The following PKHD1 variants were observed in gnomAD, a reference collection of about 807,000 sequenced individuals.
PKHD1 encodes fibrocystin.
Under a neutral mutation model 412.0 loss-of-function variants are expected in PKHD1, and 291 were observed. That is an observed-to-expected ratio of 0.71 (90% CI 0.64 to 0.78). The LOEUF (loss-of-function observed/expected upper bound fraction) is 0.78, where lower values mean the gene tolerates loss of function less well. Ranked by LOEUF, PKHD1 falls within the 30% of genes least tolerant of loss-of-function variation. The probability of loss-of-function intolerance (pLI) is 0.00; values close to 1 mark genes in which losing one functional copy is unlikely to be tolerated. For missense variants in PKHD1, 4,825 were observed against 4,950.7 expected, an observed-to-expected ratio of 0.97 and a Z score of 0.76; for synonymous variants, 1,777 against 1,821.5, an observed-to-expected ratio of 0.98 and a Z score of 0.62.
At chr6:51,804,431 C>T (rs909894816) in intron 52 of PKHD1, among the ~76,000 whole-genome samples, 94 of 143,666 alleles carry the variant, frequency 6.5e-4, no homozygotes, top group Non-Finnish European at 1.1e-3. Context: ...GTGGCTGGCA[C>T]ATAAAAGGCA....
intron 15 of PKHD1, 70 bp downstream of exon 15, chr6:52,059,858 T>G: frequency 1.2e-6 from 1 of 816,486 alleles, no homozygotes; most frequent in Non-Finnish European, 2.2e-6. Context: ...AGCCTTAACT[T>G]TGATTCTTTC....
At chr6:51,862,432 GATA>G (rs1291271431) in intron 48 of PKHD1, among the ~76,000 whole-genome samples, 2 of 152,206 alleles carry the variant, frequency 1.3e-5, no homozygotes, top group African/African-American at 4.8e-5. Context: ...GCCAAGAAAA[GATA>G]ATACATCTTT....
chr6:51,698,296 T>C (rs1019456679), intron 60 of PKHD1, among the ~76,000 whole-genome samples: 3 of 152,230 alleles, frequency 2.0e-5, no homozygotes, highest in African/African-American at 7.2e-5. Flanking sequence ...AGATGAAGTA[T>C]ATCATAGCAT....
chr6:51,940,403 A>T (rs564538904), intron 36 of PKHD1, among the ~76,000 whole-genome samples: 57 of 151,792 alleles, frequency 3.8e-4, no homozygotes, highest in African/African-American at 1.3e-3. Context: ...CAAATGCCTG[A>T]ACCGCAGCTG....
In PKHD1 at chr6:51,856,062, G is replaced by A. The variant is rs1447744840; in HGVS notation, c.7742C>T (p.Thr2581Ile). ...FHRMSIGLAN[T>I]PEVSYDLTMT... Reference sequence around the variant, plus strand: ...GGTTAAATCATAAGAAACTTCAGGAGTATTCGCTCTAAGGTGATTTTAAAA... The same window carrying A: ...GGTTAAATCATAAGAAACTTCAGGAATATTCGCTCTAAGGTGATTTTAAAA... The change falls in exon 49 of 67, where the codon ACT becomes ATT. Residue 2581 changes from threonine to isoleucine, a missense_variant. Transcript: ENST00000371117. 3 of 1,597,560 alleles carry A rather than the reference G, an allele frequency of 1.9e-6. No homozygotes were observed. The highest frequency in any genetic ancestry group is 1.7e-5 in the Admixed American group (1 of 59,964).
rs772688219 is a variant in PKHD1, at chr6:52,058,446, TG to T, written c.1388del (p.Pro463GlnfsTer5). The part of the protein sequence containing the change: ...YLEAEHHGIA[P>X]SRGMRIGVQI... ...GGACACCAATCCTCATCCCCCTGCT[TG>T]GGGCTATCCCATGATGCTCTGCTTC... On this transcript the variant is annotated frameshift_variant, in exon 16 of 67. Coordinates refer to ENST00000371117, the MANE Select transcript of PKHD1 (RefSeq NM_138694.4). LOFTEE classifies it high-confidence loss of function. The T allele has an allele frequency of 1.2e-6, 2 of 1,614,178 alleles. No homozygotes were observed. The highest frequency in any genetic ancestry group is 1.7e-6 in the Non-Finnish European group (2 of 1,180,004).
At chr6:51,978,746 C>A (rs906300103) in intron 35 of PKHD1, among the ~76,000 whole-genome samples, 1 of 152,142 alleles carries the variant, frequency 6.6e-6, no homozygotes, top group Non-Finnish European at 1.5e-5. Context: ...AGGCATACGT[C>A]CTCTTCTTCC....
chr6:51,631,276 A>G (rs987402104), intron 65 of PKHD1, among the ~76,000 whole-genome samples: 1 of 152,162 alleles, frequency 6.6e-6, no homozygotes, highest in African/African-American at 2.4e-5. Flanking sequence ...GGAAAAACAA[A>G]AAACTGCAAA....
chr6:51,800,914 G>A (rs1440381002), intron 52 of PKHD1, among the ~76,000 whole-genome samples: 3 of 152,138 alleles, frequency 2.0e-5, no homozygotes, highest in Non-Finnish European at 2.9e-5. Context: ...ACTATTTGTG[G>A]GCTTGTTATT....
At chr6:51,905,080 T>C (rs1423349285) in intron 41 of PKHD1, among the ~76,000 whole-genome samples, 1 of 152,224 alleles carries the variant, frequency 6.6e-6, no homozygotes, top group African/African-American at 2.4e-5. Context: ...TTATAGCTTT[T>C]ATCTCAACAG....
intron 36 of PKHD1, among the ~76,000 whole-genome samples, chr6:51,935,626 T>C (rs181333844): frequency 3.2e-4 from 49 of 152,284 alleles, no homozygotes; most frequent in African/African-American, 1.1e-3. Flanking sequence ...AGTCCTTACA[T>C]TGGGCTACAA....
At chr6:51,807,437 CAAAAAA>C (rs1174429085) in intron 52 of PKHD1, among the ~76,000 whole-genome samples, 1,027 of 38,632 alleles carry the variant, frequency 0.027, 15 homozygotes, top group Middle Eastern at 0.071. Flanking sequence ...GACTCTGTCT[CAAAAAA>C]AAAAAAAAAA....
At chr6:51,624,784 G>A (rs1424998963) in intron 66 of PKHD1, among the ~76,000 whole-genome samples, 1 of 152,148 alleles carries the variant, frequency 6.6e-6, no homozygotes, top group African/African-American at 2.4e-5. Flanking sequence ...TGTTACTGAT[G>A]AGGACACTGA....
chr6:51,941,782 T>C (rs1788620088), intron 36 of PKHD1, among the ~76,000 whole-genome samples: 1 of 151,564 alleles, frequency 6.6e-6, no homozygotes, highest in Non-Finnish European at 1.5e-5. Flanking sequence ...TTACTATTCC[T>C]TTGCACCCTT....
chr6:51,654,688 C>A (rs1771530868), intron 61 of PKHD1, among the ~76,000 whole-genome samples: 1 of 151,362 alleles, frequency 6.6e-6, no homozygotes, highest in Non-Finnish European at 1.5e-5. Context: ...CTTTTCACAG[C>A]AAAATAGCAG....
chr6:51,998,276 C>A (rs931949750), intron 35 of PKHD1, among the ~76,000 whole-genome samples: 6 of 151,790 alleles, frequency 4.0e-5, no homozygotes, highest in African/African-American at 1.5e-4. Flanking sequence ...GTGCTTCTAC[C>A]CACATTCTAT....
intron 43 of PKHD1, among the ~76,000 whole-genome samples, chr6:51,897,829 C>T (rs1220578969): frequency 6.8e-6 from 1 of 146,634 alleles, no homozygotes; most frequent in Non-Finnish European, 1.5e-5. Context: ...ATCTACCAAG[C>T]AAATGGAAAA....
chr6:52,052,457 T>C lies in PKHD1; in HGVS notation c.2140+619A>G, dbSNP rs563154812. Among the ~76,000 whole-genome samples, 43 of 151,808 alleles carry C rather than the reference T, an allele frequency of 2.8e-4. 1 individual carries two copies. The highest frequency in any genetic ancestry group is 1.0e-3 in the African/African-American group (42 of 41,378). On this transcript the variant is annotated intron_variant, in intron 21 of 66. Coordinates refer to ENST00000371117, the MANE Select transcript of PKHD1 (RefSeq NM_138694.4). The stretch of plus-strand genomic sequence containing the variant: ...ATCTCTAAATAATGAGTAGGAAGAG[T>C]CTGGAGAGACAGAAAGGACAAGGGC...
intron 43 of PKHD1, among the ~76,000 whole-genome samples, chr6:51,888,765 G>A (rs1461665652): frequency 1.3e-5 from 2 of 150,630 alleles, no homozygotes; most frequent in Non-Finnish European, 2.9e-5. Context: ...TTCTATTTCT[G>A]CTTTCCTGAA....
Sources: allele counts gnomAD v4.1 joint callset (sites outside exome capture counted in the v4.1 genomes callset), GRCh38; gene constraint gnomAD v4.1.1; transcripts MANE v1.5; gene names NCBI Gene and HGNC (gene_info 2026-07-23, HGNC 2026-07-21).